Variants in GJB7 observed in about 807,000 individuals in gnomAD.
The protein encoded by GJB7 is gap junction beta-7 protein.
For missense variants in GJB7, 253 were observed against 256.8 expected (o/e 0.99, Z 0.10); for synonymous variants, 87 against 95.2 (o/e 0.91, Z 0.50).
chr6:87,320,324 C>A (rs534748559), intron 2 of GJB7, among the ~76,000 whole-genome samples: 10 of 152,148 alleles, frequency 6.6e-5, no homozygotes, highest in African/African-American at 1.9e-4. Context: ...AAAAATTAAA[C>A]CTCAAATCAA....
intron 2 of GJB7, chr6:87,299,972 G>A: frequency 3.0e-6 from 1 of 330,812 alleles, no homozygotes; most frequent in Non-Finnish European, 6.0e-6. Flanking sequence ...AGTGCTGAAG[G>A]CTGGTGGGAC....
At chr6:87,286,953 G>A (rs1162034695) in intron 2 of GJB7, among the ~76,000 whole-genome samples, 2 of 152,272 alleles carry the variant, frequency 1.3e-5, no homozygotes, top group Admixed American at 6.5e-5. Flanking sequence ...TACACATTTT[G>A]GGCTGATTAA....
chr6:87,292,462 G>A (rs1413137316), intron 2 of GJB7, among the ~76,000 whole-genome samples: 1 of 151,438 alleles, frequency 6.6e-6, no homozygotes, highest in African/African-American at 2.4e-5. Flanking sequence ...TAAATGTAAT[G>A]TATACTATTA....
At chr6:87,315,811 A>AG (rs1776571170) in intron 2 of GJB7, among the ~76,000 whole-genome samples, 1 of 151,626 alleles carries the variant, frequency 6.6e-6, no homozygotes, top group African/African-American at 2.4e-5. Flanking sequence ...AAAAAAAAAA[A>AG]AAAAAGAAAG....
intron 1 of GJB7, among the ~76,000 whole-genome samples, chr6:87,327,894 A>G (rs1192100564): frequency 6.7e-6 from 1 of 150,000 alleles, no homozygotes; most frequent in Non-Finnish European, 1.5e-5. Flanking sequence ...AGGTACACCA[A>G]TCAGACGTAG....
At chr6:87,298,015 C>CAA (rs932800017) in intron 2 of GJB7, among the ~76,000 whole-genome samples, 1 of 152,086 alleles carries the variant, frequency 6.6e-6, no homozygotes, top group Admixed American at 6.6e-5. Context: ...TTTGATCAAT[C>CAA]AAAAGTAAGT....
At chr6:87,304,375 C>G (rs1183272373) in intron 2 of GJB7, among the ~76,000 whole-genome samples, 1 of 152,106 alleles carries the variant, frequency 6.6e-6, no homozygotes, top group Non-Finnish European at 1.5e-5. Context: ...TACAAACTAC[C>G]ATCAGAAAAT....
intron 2 of GJB7, chr6:87,322,214 A>C (rs1776677940): frequency 6.6e-6 from 1 of 152,190 alleles, no homozygotes; most frequent in African/African-American, 2.4e-5. Context: ...TGTTCCCCTA[A>C]AGTAGGGGTA....
At chr6:87,297,956 C>T (rs1414986186) in intron 2 of GJB7, among the ~76,000 whole-genome samples, 2 of 152,240 alleles carry the variant, frequency 1.3e-5, no homozygotes, top group African/African-American at 4.8e-5. Flanking sequence ...TTGGACAAGG[C>T]AAGGAGATAA....
intron 2 of GJB7, among the ~76,000 whole-genome samples, chr6:87,292,511 A>G (rs1006399739): frequency 6.6e-6 from 1 of 152,196 alleles, no homozygotes. Flanking sequence ...GAGAAGTAAA[A>G]ATCACTTTCC....
chr6:87,324,964 TCTC>T (rs1366054468), intron 1 of GJB7, among the ~76,000 whole-genome samples: 1 of 152,070 alleles, frequency 6.6e-6, no homozygotes, highest in African/African-American at 2.4e-5. Flanking sequence ...GGTTTGTAGT[TCTC>T]CTTGAAGAGG....
intron 2 of GJB7, among the ~76,000 whole-genome samples, chr6:87,317,852 GC>G (rs1482099987): frequency 6.6e-6 from 1 of 151,054 alleles, no homozygotes; most frequent in East Asian, 1.9e-4. Context: ...GCTAACCTGA[GC>G]CTAACTACAC....
At chr6:87,328,718 C>G (rs1299069184) in intron 1 of GJB7, among the ~76,000 whole-genome samples, 2 of 152,202 alleles carry the variant, frequency 1.3e-5, no homozygotes, top group Non-Finnish European at 1.5e-5. Flanking sequence ...TGTCTGTGCC[C>G]TGCCCCCAGA....
chr6:87,312,027 G>T (rs1208277735), intron 2 of GJB7, among the ~76,000 whole-genome samples: 1 of 152,090 alleles, frequency 6.6e-6, no homozygotes, highest in Non-Finnish European at 1.5e-5. Context: ...CAGTTCCCAG[G>T]GGAGGGAGTG....
At chr6:87,312,347 A>C (rs1333737109) in intron 2 of GJB7, among the ~76,000 whole-genome samples, 2 of 152,058 alleles carry the variant, frequency 1.3e-5, no homozygotes, top group Admixed American at 1.3e-4. Flanking sequence ...CCCCGTCTCT[A>C]CTAAAAATAC....
chr6:87,310,341 A>G (rs1482965492), intron 2 of GJB7, among the ~76,000 whole-genome samples: 1 of 152,212 alleles, frequency 6.6e-6, no homozygotes, highest in Non-Finnish European at 1.5e-5. Flanking sequence ...TGATAACTTG[A>G]ATTTCATTAA....
At chr6:87,318,582 C>T (rs1776616389) in intron 2 of GJB7, among the ~76,000 whole-genome samples, 1 of 152,048 alleles carries the variant, frequency 6.6e-6, no homozygotes, top group Non-Finnish European at 1.5e-5. Context: ...AGTATGTTTA[C>T]CAGTTCAGGT....
At chr6:87,328,760 T>A (rs572069441) in intron 1 of GJB7, among the ~76,000 whole-genome samples, 1 of 152,202 alleles carries the variant, frequency 6.6e-6, no homozygotes, top group Non-Finnish European at 1.5e-5. Context: ...CAGGCCTCCT[T>A]GAGCTGTGGT....
chr6:87,316,594 G>A (rs1776588136), intron 2 of GJB7, among the ~76,000 whole-genome samples: 1 of 152,214 alleles, frequency 6.6e-6, no homozygotes, highest in African/African-American at 2.4e-5. Flanking sequence ...AGGGGAGCTT[G>A]GCTGGTGGCA....
Sources: gnomAD v4.1 joint callset for allele counts (sites outside exome capture counted in the v4.1 genomes callset) on GRCh38, gnomAD v4.1.1 for gene constraint, MANE v1.5 for transcripts, NCBI Gene and HGNC (gene_info 2026-07-23, HGNC 2026-07-21) for gene names.